The following ZNF28 variants were observed in gnomAD, a reference collection of about 807,000 sequenced individuals.
ZNF28 encodes zinc finger protein 28.
In ZNF28, 5 loss-of-function variants were observed where a neutral mutation model predicts 7.2. The observed-to-expected ratio is 0.70, with a 90% CI of 0.36 to 1.46. The LOEUF is 1.46. Among genes scored for constraint, ZNF28 ranks in the 40% most tolerant of loss-of-function variants. The pLI is 0.03. For synonymous variants in ZNF28, 288 were observed against 292.4 expected, an observed-to-expected ratio of 0.99 and a Z score of 0.15; for missense variants, 879 against 866.6, an observed-to-expected ratio of 1.01 and a Z score of -0.18.
At chr19:52,805,642 A>AC (rs1396160426) in intron 3 of ZNF28, 1 of 139,042 alleles carries the variant, frequency 7.2e-6, no homozygotes, top group Non-Finnish European at 1.5e-5. Flanking sequence ...TAATAATAAT[A>AC]AAAATAAATA....
At chr19:52,801,751 A>G (rs765163381) in intron 3 of ZNF28, 49 bp from the exon 4 acceptor site, 2 of 1,509,914 alleles carry the variant, frequency 1.3e-6, no homozygotes, top group Non-Finnish European at 1.8e-6. Flanking sequence ...CAGATGGTGT[A>G]TAATACTGAA....
rs2062819023 is a variant in ZNF28, at chr19:52,798,129, C to T, written c.*1559G>A. On this transcript the variant is annotated 3_prime_UTR_variant, in exon 4 of 4. Coordinates refer to ENST00000457749, the MANE Select transcript of ZNF28 (RefSeq NM_006969.5). ...AGAGCAAGAGACTCCATCTCAAAAA[C>T]AAAAACAAAAAAAAGAAAAAAGAAA... The T allele has an allele frequency of 6.3e-6, 1 of 157,654 alleles. No individual in the cohort carries two copies. The highest frequency in any genetic ancestry group is 2.4e-5 in the African/African-American group (1 of 41,132). 9.8% of individuals were successfully genotyped at this position (157,654 alleles called of 1,614,324 possible).
At position 52,809,189 on chromosome 19, in the gene ZNF28, C is replaced by T. The variant is rs544794941; in HGVS notation, c.16-1056G>A. Among the ~76,000 whole-genome samples the T allele has an allele frequency of 3.9e-5, 6 of 152,240 alleles. No individual in the cohort carries two copies. In the South Asian group the frequency reaches 1.2e-3, roughly 32 times the overall value. On this transcript the variant is annotated intron_variant, in intron 2 of 3. Transcript: ENST00000457749. ...ATCTAAGAAAATGGAAATGCCCCAT[C>T]CTAGAAGAAGCAATCACCCTTTCAA...
rs529240186 is a variant in ZNF28 at position 52,810,804 on chromosome 19, A to C, written c.16-2671T>G. On this transcript the variant is annotated intron_variant, in intron 2 of 3. Coordinates refer to ENST00000457749, the MANE Select transcript of ZNF28 (RefSeq NM_006969.5). ...CCAAAAAAAACAGAAGATGACCTTG[A>C]TGGAAAAAAATATATATATATTTTT... 2.7e-4 allele frequency: 113 copies of C among 417,950 alleles called. 4 individuals carry two copies. Among genetic ancestry groups the C allele is most frequent in the African/African-American group, 2.0e-3 (89 of 45,460 alleles). 25.9% of individuals were successfully genotyped at this position (417,950 alleles called of 1,614,324 possible). A position where few individuals can be genotyped will look rare whatever the true frequency, so the allele number is the denominator to read the frequency against.
At chr19:52,807,528 C>T (rs1286966982) in intron 3 of ZNF28, among the ~76,000 whole-genome samples, 1 of 152,164 alleles carries the variant, frequency 6.6e-6, no homozygotes, top group Non-Finnish European at 1.5e-5. Context: ...GGCTGGAGTG[C>T]AGTGGTGTGT....
At chr19:52,803,098 G>GTATTTTATGT (rs2062894663) in intron 3 of ZNF28, among the ~76,000 whole-genome samples, 1 of 151,090 alleles carries the variant, frequency 6.6e-6, no homozygotes, top group African/African-American at 2.4e-5. Context: ...TTATTTTTTT[G>GTATTTTATGT]AGATACAGTG....
chr19:52,809,848 G>C (rs939162803), intron 2 of ZNF28: 14 of 581,750 alleles, frequency 2.4e-5, no homozygotes, highest in Non-Finnish European at 4.2e-5. Context: ...GGTGGCGGTG[G>C]TGGCAGTAGC....
In ZNF28 at chr19:52,797,728, A is replaced by G. The variant is rs1371717009; in HGVS notation, c.*1960T>C. 1.3e-5 allele frequency: 2 copies of G among 152,964 alleles called. No individual in the cohort carries two copies. The highest frequency in any genetic ancestry group is 1.3e-4 in the Admixed American group (2 of 15,300). The allele number at this position is 152,964 out of a possible 1,614,324, so 9.5% of individuals were successfully genotyped here. A position where few individuals can be genotyped will look rare whatever the true frequency, so the allele number is the denominator to read the frequency against. On this transcript the variant is annotated 3_prime_UTR_variant, in exon 4 of 4. Transcript: ENST00000457749. ...AAACATATAAATACACATACAATCC[A>G]TACTGATTGGAAAAATTAGTATTGC...
intron 2 of ZNF28, among the ~76,000 whole-genome samples, chr19:52,816,460 T>C (rs8108961): frequency 0.6 from 86,335 of 144,204 alleles, 30,132 homozygotes; most frequent in Non-Finnish European, 0.72. Flanking sequence ...GTCAGGAGAT[T>C]GAGACCATCC....
At chr19:52,803,232 G>C (rs912827317) in intron 3 of ZNF28, among the ~76,000 whole-genome samples, 56 of 151,918 alleles carry the variant, frequency 3.7e-4, no homozygotes, top group African/African-American at 1.4e-3. Context: ...ACATGCCACT[G>C]TGCCCGGCTA....
chr19:52,815,642 A>G lies in ZNF28; in HGVS notation c.15+2302T>C, dbSNP rs866249507. On this transcript the variant is annotated intron_variant, in intron 2 of 3. Coordinates refer to ENST00000457749, the MANE Select transcript of ZNF28 (RefSeq NM_006969.5). Reference sequence around the variant, plus strand: ...GATCGAGACCATCCTGGCTACCACAATGAAACCCCATCTCTACTAAAAATA... The same window carrying G: ...GATCGAGACCATCCTGGCTACCACAGTGAAACCCCATCTCTACTAAAAATA... Among the ~76,000 whole-genome samples the G allele has an allele frequency of 4.4e-4, 64 of 146,348 alleles. 5 individuals carry two copies. Among genetic ancestry groups the G allele is most frequent in the Middle Eastern group, 3.4e-3 (1 of 290 alleles).
chr19:52,811,716 T>C (rs943668240), intron 2 of ZNF28, among the ~76,000 whole-genome samples: 3 of 148,708 alleles, frequency 2.0e-5, no homozygotes, highest in Admixed American at 6.6e-5. Flanking sequence ...GTCTGGGAAG[T>C]GAGGAGCGTC....
chr19:52,818,304 C>G (rs527349098), intron 1 of ZNF28, among the ~76,000 whole-genome samples: 39 of 152,150 alleles, frequency 2.6e-4, no homozygotes, highest in African/African-American at 7.2e-5. Flanking sequence ...TATGGTGGTG[C>G]GCATCTGTGT....
In ZNF28 at chr19:52,801,125, C is replaced by T; in HGVS notation, c.720G>A (p.Glu240=). Residue 240 remains glutamate, a synonymous_variant, in exon 4 of 4, where the codon GAG becomes GAA. Transcript: ENST00000457749. ...CATATACATCACATTTACATTGTTTCTCTTCTAAGTGGGTTATCTGATGTT... is the reference window on the plus strand; with the variant it reads ...CATATACATCACATTTACATTGTTTTTCTTCTAAGTGGGTTATCTGATGTT... The part of the protein sequence containing the change: ...LKKHQITHLE[E]KQCKCDVYGK... 6.2e-7 allele frequency: 1 copy of T among 1,614,030 alleles called. No individual in the cohort carries two copies. Among genetic ancestry groups the T allele is most frequent in the Non-Finnish European group, 8.5e-7 (1 of 1,179,980 alleles).
In ZNF28 at chr19:52,808,027, T is replaced by C. The variant is rs577669561; in HGVS notation, c.122A>G (p.Tyr41Cys). ...CTCACCCAGGGAGACCAGGTTCCTA[T>C]AATTCTCCAGCATCACATCCCTGTA... Reference protein sequence around the residue: ...TLYRDVMLENYRNLVSLDISS... With the variant: ...TLYRDVMLENCRNLVSLDISS... The change falls in exon 3 of 4, where the codon TAT (tyrosine) becomes TGT (cysteine). Residue 41 changes from tyrosine (Y) to cysteine (C), a missense_variant. Physicochemically the swap from Tyr to Cys is radical, Grantham distance 194. Coordinates refer to ENST00000457749, the MANE Select transcript of ZNF28 (RefSeq NM_006969.5). 184 of 1,613,520 alleles carry C rather than the reference T, an allele frequency of 1.1e-4. 1 individual carries two copies. In the South Asian group the frequency reaches 1.9e-3, roughly 16 times the overall value.
intron 3 of ZNF28, among the ~76,000 whole-genome samples, chr19:52,802,601 TG>T (rs2062885943): frequency 6.6e-6 from 1 of 151,704 alleles, no homozygotes; most frequent in African/African-American, 2.4e-5. Context: ...CGCTTGAACT[TG>T]GGAGGCAAAG....
At chr19:52,810,116 G>A (rs2062998885) in intron 2 of ZNF28, 1 of 818,952 alleles carries the variant, frequency 1.2e-6, no homozygotes, top group Admixed American at 1.9e-5. Context: ...AGGAGGGGGA[G>A]GAGCCGGGAC....
chr19:52,816,834 A>AAATAATAATAATAAT (rs34015590), intron 2 of ZNF28, among the ~76,000 whole-genome samples: 111 of 138,418 alleles, frequency 8.0e-4, no homozygotes, highest in African/African-American at 2.6e-3. Flanking sequence ...CCGTTTCAGA[A>AAATAATAATAATAAT]AATAATAATA....
At position 52,811,773 on chromosome 19, in the gene ZNF28, C is replaced by G. The variant is rs1015127037; in HGVS notation, c.16-3640G>C. ...CCGGGAGGGAGGTCGGGGGGGTCAG[C>G]CCCCCGCCCGGCCAGCCGCCCCGTC... is the stretch of plus-strand genomic sequence containing the variant. On this transcript the variant is annotated intron_variant, in intron 2 of 3. Coordinates refer to ENST00000457749, the MANE Select transcript of ZNF28 (RefSeq NM_006969.5). 6.1e-5 allele frequency among the ~76,000 whole-genome samples: 9 copies of G among 148,700 alleles called. 1 individual carries two copies. The highest frequency in any genetic ancestry group is 2.0e-4 in the African/African-American group (8 of 39,744).
Sources: allele counts gnomAD v4.1 joint callset (sites outside exome capture counted in the v4.1 genomes callset), GRCh38; gene constraint gnomAD v4.1.1; transcripts MANE v1.5; gene names NCBI Gene and HGNC (gene_info 2026-07-23, HGNC 2026-07-21).